MPDZ: variants seen among roughly 807,000 people sequenced by gnomAD.
MPDZ encodes the protein multiple PDZ domain protein.
MPDZ carries 234 observed loss-of-function variants against 239.1 expected under a neutral mutation model. That is an observed-to-expected ratio of 0.98 (90% confidence interval 0.88 to 1.09). The LOEUF is 1.09. MPDZ is among the 50% of genes least tolerant of loss of function. MPDZ has a pLI of 0.00. For missense variants in MPDZ, 3,175 were observed against 2,510.0 expected, an observed-to-expected ratio of 1.26 and a Z score of -5.66; for synonymous variants, 1,048 against 881.3, an observed-to-expected ratio of 1.19 and a Z score of -3.35.
chr9:13,198,459 T>C (rs372731304), intron 12 of MPDZ, among the ~76,000 whole-genome samples: 2 of 152,056 alleles, frequency 1.3e-5, no homozygotes, highest in African/African-American at 2.4e-5. Flanking sequence ...TTTTTTCTAT[T>C]GAGTTTTTTG....
At chr9:13,235,093 T>TA (rs1646826446) in intron 3 of MPDZ, among the ~76,000 whole-genome samples, 1 of 152,180 alleles carries the variant, frequency 6.6e-6, no homozygotes, top group South Asian at 2.1e-4. Context: ...AAATACTGAT[T>TA]AAAGCACAGC....
intron 13 of MPDZ, among the ~76,000 whole-genome samples, chr9:13,195,159 A>G (rs532169458): frequency 1.8e-4 from 28 of 152,146 alleles, no homozygotes; most frequent in African/African-American, 6.3e-4. Context: ...GTGGTGCTGC[A>G]TGCCTGTAGT....
chr9:13,109,948 T>A lies in MPDZ; in HGVS notation c.5942+4A>T, dbSNP rs1388591906. 6.2e-7 allele frequency: 1 copy of A among 1,607,958 alleles called. No homozygotes were observed. The highest frequency in any genetic ancestry group is 1.1e-5 in the South Asian group (1 of 90,614). The stretch of plus-strand genomic sequence containing the variant: ...GATACACTAATCATCATGTATGAAC[T>A]CACCCTAAATCATCCTGAAATATAC... On this transcript the variant is annotated splice_donor_region_variant and intron_variant, in intron 45 of 46. Coordinates refer to ENST00000319217, the MANE Select transcript of MPDZ (RefSeq NM_001378778.1).
At chr9:13,148,836 T>C (rs113537634) in intron 25 of MPDZ, among the ~76,000 whole-genome samples, 1 of 152,036 alleles carries the variant, frequency 6.6e-6, no homozygotes, top group Non-Finnish European at 1.5e-5. Context: ...GAAAAGCCCT[T>C]GCAATATGGC....
At chr9:13,206,858 T>G (rs1286712691) in intron 10 of MPDZ, among the ~76,000 whole-genome samples, 1 of 152,078 alleles carries the variant, frequency 6.6e-6, no homozygotes, top group Non-Finnish European at 1.5e-5. Context: ...TTAAAAAAAT[T>G]TGTAGAGATG....
Position 13,190,309 on chromosome 9 carries a change from A to G in MPDZ, c.1969-10T>C, listed in dbSNP as rs1274535754. 1 of 1,526,202 alleles carries G rather than the reference A, an allele frequency of 6.6e-7. No individual in the cohort carries two copies. The highest frequency in any genetic ancestry group is 8.8e-7 in the Non-Finnish European group (1 of 1,138,272). The allele number at this position is 1,526,202 out of a possible 1,614,324, so 94.5% of individuals were successfully genotyped here. ...CTAGATCTACGTGAGGCTGGATAAT[A>G]TCAGACAGCTCTTATTTCAGAGGCA... On this transcript the variant is annotated splice_polypyrimidine_tract_variant and intron_variant, in intron 15 of 46. Transcript: ENST00000319217.
At chr9:13,222,970 CACA>C (rs1356984415) in intron 5 of MPDZ, among the ~76,000 whole-genome samples, 1 of 151,620 alleles carries the variant, frequency 6.6e-6, no homozygotes, top group East Asian at 2.0e-4. Flanking sequence ...AAAATAATGC[CACA>C]ACAATAAAAA....
At chr9:13,270,295 A>G (rs894771205) in intron 1 of MPDZ, among the ~76,000 whole-genome samples, 2 of 152,224 alleles carry the variant, frequency 1.3e-5, no homozygotes, top group African/African-American at 2.4e-5. Flanking sequence ...GAAGGTACAG[A>G]CAATATATAA....
At chr9:13,226,658 CCT>C (rs1393207019) in intron 3 of MPDZ, among the ~76,000 whole-genome samples, 1 of 152,082 alleles carries the variant, frequency 6.6e-6, no homozygotes, top group East Asian at 1.9e-4. Context: ...CTTACTGTGC[CCT>C]GTTTTAATTC....
chr9:13,244,573 A>C (rs1181683620), intron 3 of MPDZ, among the ~76,000 whole-genome samples: 1 of 152,190 alleles, frequency 6.6e-6, no homozygotes, highest in Non-Finnish European at 1.5e-5. Context: ...AGAGACATCA[A>C]TTATATTCTC....
intron 18 of MPDZ, 48 bp downstream of exon 18, chr9:13,186,222 G>A: frequency 3.8e-6 from 4 of 1,040,648 alleles, no homozygotes; most frequent in Non-Finnish European, 5.4e-6. Context: ...GGCAAAGTAA[G>A]ACATATCAGG....
At chr9:13,121,557 T>C (rs1277907835) in intron 38 of MPDZ, among the ~76,000 whole-genome samples, 182 bp downstream of exon 38, 2 of 152,178 alleles carry the variant, frequency 1.3e-5, no homozygotes, top group East Asian at 1.9e-4. Context: ...AACCTTCCAA[T>C]ATTCTGATTT....
At chr9:13,228,660 C>T (rs1473425745) in intron 3 of MPDZ, among the ~76,000 whole-genome samples, 2 of 151,988 alleles carry the variant, frequency 1.3e-5, no homozygotes, top group Non-Finnish European at 2.9e-5. Context: ...CATTGGTGTG[C>T]GGGATCCTCA....
chr9:13,120,594 ACACT>A (rs1332953887), intron 38 of MPDZ: 12 of 152,224 alleles, frequency 7.9e-5, no homozygotes, highest in Non-Finnish European at 4.4e-5. Flanking sequence ...ATTCCCACTG[ACACT>A]CAAATAATAT....
intron 19 of MPDZ, among the ~76,000 whole-genome samples, chr9:13,176,628 G>A (rs1239390214): frequency 1.3e-5 from 2 of 152,074 alleles, no homozygotes; most frequent in South Asian, 2.1e-4. Context: ...TACATTTCCT[G>A]AAAGTCATAC....
chr9:13,150,754 A>C, intron 24 of MPDZ, 66 bp from the exon 25 acceptor site: 1 of 1,122,444 alleles, frequency 8.9e-7, no homozygotes, highest in Non-Finnish European at 1.1e-6. Context: ...ATGATGCTGA[A>C]TTTGGCAATG....
chr9:13,198,469 G>T (rs1955926620), intron 12 of MPDZ, among the ~76,000 whole-genome samples: 1 of 151,024 alleles, frequency 6.6e-6, no homozygotes, highest in Non-Finnish European at 1.5e-5. Context: ...TGAGTTTTTT[G>T]AGCTCTTTAT....
chr9:13,200,939 A>G (rs145636106), intron 12 of MPDZ, among the ~76,000 whole-genome samples: 102 of 152,140 alleles, frequency 6.7e-4, no homozygotes, highest in African/African-American at 2.3e-3. Context: ...TTGGTCTACA[A>G]TGAAGTCTCA....
chr9:13,106,999 G>A lies in MPDZ; in HGVS notation c.6179C>T (p.Thr2060Ile). The change falls in exon 47 of 47, where the codon ACA (threonine) becomes ATA (isoleucine). Residue 2060 changes from threonine (T) to isoleucine (I), a missense_variant. Coordinates refer to ENST00000319217, the MANE Select transcript of MPDZ (RefSeq NM_001378778.1). Reference protein sequence around the residue: ...HEEAVAILKRTKGTVTLMVLS With the variant: ...HEEAVAILKRIKGTVTLMVLS ...AACCATCAAAGTGACAGTGCCTTTTGTCCGTTTAAGGATGGCAACAGCTTC... is the reference window on the plus strand; with the variant it reads ...AACCATCAAAGTGACAGTGCCTTTTATCCGTTTAAGGATGGCAACAGCTTC... 1 of 1,613,642 alleles carries A rather than the reference G, an allele frequency of 6.2e-7. No homozygotes were observed. Among genetic ancestry groups the A allele is most frequent in the Non-Finnish European group, 8.5e-7 (1 of 1,179,640 alleles).
Sources: gnomAD v4.1 joint callset for allele counts (sites outside exome capture counted in the v4.1 genomes callset) on GRCh38, gnomAD v4.1.1 for gene constraint, MANE v1.5 for transcripts, NCBI Gene and HGNC (gene_info 2026-07-23, HGNC 2026-07-21) for gene names.